Variants in CNTNAP4 observed in about 807,000 individuals in gnomAD.
CNTNAP4 encodes the protein contactin associated protein family member 4, also known as contactin-associated protein-like 4.
A neutral mutation model predicts 148.4 loss-of-function variants in CNTNAP4; 98 were observed. The ratio of observed to expected loss-of-function variants is 0.66; its 90% CI spans 0.56 to 0.78. The LOEUF is 0.78. Ranked by LOEUF, CNTNAP4 falls within the 30% of genes least tolerant of loss-of-function variation. The pLI is 0.00. For missense variants in CNTNAP4, 1,935 were observed against 1,565.6 expected (o/e 1.24, Z -3.98); for synonymous variants, 730 against 565.1 (o/e 1.29, Z -4.14).
chr16:76,531,109 A>G (rs1439259936), intron 17 of CNTNAP4, among the ~76,000 whole-genome samples: 1 of 152,176 alleles, frequency 6.6e-6, no homozygotes, highest in African/African-American at 2.4e-5. Context: ...GAGAAGGTTG[A>G]GGATCTTGAT....
chr16:76,340,421 C>A (rs72626198), intron 2 of CNTNAP4, among the ~76,000 whole-genome samples: 28,369 of 152,058 alleles, frequency 0.19, 3,486 homozygotes, highest in East Asian at 0.48. Context: ...CTTCAATTTA[C>A]ATTTTTCAAA....
At chr16:76,482,661 C>G (rs2081878595) in intron 12 of CNTNAP4, among the ~76,000 whole-genome samples, 1 of 152,158 alleles carries the variant, frequency 6.6e-6, no homozygotes, top group Non-Finnish European at 1.5e-5. Context: ...CTATCTGTCT[C>G]ACAACCATTG....
chr16:76,374,742 C>CT (rs753657290), intron 3 of CNTNAP4, among the ~76,000 whole-genome samples: 2 of 131,616 alleles, frequency 1.5e-5, no homozygotes, highest in Non-Finnish European at 3.4e-5. Context: ...GACTATGACA[C>CT]TATTATTATT....
chr16:76,311,059 A>C (rs1194098036), intron 1 of CNTNAP4, among the ~76,000 whole-genome samples: 1 of 152,138 alleles, frequency 6.6e-6, no homozygotes, highest in East Asian at 1.9e-4. Flanking sequence ...AATGCATGTA[A>C]AGCACTGAGA....
Position 76,553,389 on chromosome 16 carries a change from G to A in CNTNAP4, c.3549G>A (p.Leu1183=), listed in dbSNP as rs1241055866. 1 of 1,612,656 alleles carries A rather than the reference G, an allele frequency of 6.2e-7. No homozygotes were observed. The highest frequency in any genetic ancestry group is 1.7e-5 in the Admixed American group (1 of 59,894). Residue 1183 remains leucine (L), a synonymous_variant, in exon 22 of 24, where the codon CTG becomes CTA. Transcript: ENST00000611870. ...LSHVAPLKAA[L]HPSHPDPVTV... ...ACGTGGCCCCTCTGAAGGCAGCTCTGCACCCCAGCCACCCAGACCCTGTCA... is the reference window on the plus strand; with the variant it reads ...ACGTGGCCCCTCTGAAGGCAGCTCTACACCCCAGCCACCCAGACCCTGTCA...
chr16:76,286,174 AGTGTGTGTGTGTGT>A lies in CNTNAP4; in HGVS notation c.85+8459_85+8472del, dbSNP rs57003243. ...AATGAGTTGCTGAGATAGAATTATCAGTGTGTGTGTGTGTGTGTGTGTGTGTGTGTGTGTGTGTG... is the reference window on the plus strand; with the variant it reads ...AATGAGTTGCTGAGATAGAATTATCAGTGTGTGTGTGTGTGTGTGTGTGTG... On this transcript the variant is annotated intron_variant, in intron 1 of 23. Coordinates refer to ENST00000611870, the MANE Select transcript of CNTNAP4 (RefSeq NM_033401.5). Among the ~76,000 whole-genome samples, 188 of 134,986 alleles carry A rather than the reference AGTGTGTGTGTGTGT, an allele frequency of 1.4e-3. 1 individual carries two copies. The highest frequency in any genetic ancestry group is 3.3e-3 in the African/African-American group (119 of 36,406). 88.6% of individuals were successfully genotyped at this position (134,986 alleles called of 152,430 possible). A position where few individuals can be genotyped will look rare whatever the true frequency, so the allele number is the denominator to read the frequency against.
chr16:76,470,673 A>T lies in CNTNAP4; in HGVS notation c.1655+3150A>T, dbSNP rs11641867. 4.3e-4 allele frequency among the ~76,000 whole-genome samples: 65 copies of T among 150,892 alleles called. 1 individual carries two copies. The highest frequency in any genetic ancestry group is 1.0e-4 in the Non-Finnish European group (7 of 67,888). On this transcript the variant is annotated intron_variant, in intron 10 of 23. Coordinates refer to ENST00000611870, the MANE Select transcript of CNTNAP4 (RefSeq NM_033401.5). ...CTCGAAAAACAAAAACAAACAAACAAAAAACCAGGAAGTAACATTAAAAAC... is the reference window on the plus strand; with the variant it reads ...CTCGAAAAACAAAAACAAACAAACATAAAACCAGGAAGTAACATTAAAAAC...
intron 15 of CNTNAP4, 119 bp downstream of exon 15, chr16:76,498,813 T>A (rs918785413): frequency 1.0e-5 from 11 of 1,056,920 alleles, no homozygotes; most frequent in Non-Finnish European, 1.4e-5. Flanking sequence ...TTGTGAACAT[T>A]TTTTTTGTTT....
intron 3 of CNTNAP4, among the ~76,000 whole-genome samples, chr16:76,373,042 C>T (rs969440452): frequency 3.9e-5 from 6 of 152,126 alleles, no homozygotes; most frequent in African/African-American, 1.2e-4. Context: ...TGCTGGTTTA[C>T]AGCACAGGGG....
intron 8 of CNTNAP4, among the ~76,000 whole-genome samples, chr16:76,454,432 A>G (rs138516801): frequency 1.2e-3 from 184 of 152,310 alleles, no homozygotes; most frequent in African/African-American, 4.3e-3. Context: ...TTCTAAATGA[A>G]TGTTTAAATT....
chr16:76,465,064 A>T (rs1045613747), intron 9 of CNTNAP4, among the ~76,000 whole-genome samples: 1 of 152,178 alleles, frequency 6.6e-6, no homozygotes, highest in African/African-American at 2.4e-5. Context: ...AACATTCTCC[A>T]TCCAATGAAC....
At chr16:76,462,239 AT>A in intron 9 of CNTNAP4, 134 bp downstream of exon 9, 2 of 778,458 alleles carry the variant, frequency 2.6e-6, no homozygotes, top group Non-Finnish European at 3.9e-6. Context: ...GATCACGGAC[AT>A]TTTGGGTGGA....
chr16:76,352,133 T>C (rs938476213), intron 2 of CNTNAP4, among the ~76,000 whole-genome samples: 2 of 152,142 alleles, frequency 1.3e-5, no homozygotes, highest in African/African-American at 2.4e-5. Flanking sequence ...TTCCTAACTT[T>C]TTCTTGTAAA....
chr16:76,413,755 A>C (rs2078882926), intron 3 of CNTNAP4, among the ~76,000 whole-genome samples: 1 of 151,276 alleles, frequency 6.6e-6, no homozygotes, highest in Non-Finnish European at 1.5e-5. Flanking sequence ...TCTACTATAA[A>C]CCTTTAAAAT....
chr16:76,407,991 A>C (rs2078656425), intron 3 of CNTNAP4, among the ~76,000 whole-genome samples: 1 of 152,134 alleles, frequency 6.6e-6, no homozygotes, highest in African/African-American at 2.4e-5. Context: ...AGCAGCGATC[A>C]ATATCGAGGC....
At chr16:76,279,802 G>A (rs1427781847) in intron 1 of CNTNAP4, among the ~76,000 whole-genome samples, 1 of 152,138 alleles carries the variant, frequency 6.6e-6, no homozygotes, top group Non-Finnish European at 1.5e-5. Context: ...AGCAGTATGT[G>A]TAAAAGAAAA....
At chr16:76,285,946 A>G (rs972439707) in intron 1 of CNTNAP4, among the ~76,000 whole-genome samples, 1 of 151,878 alleles carries the variant, frequency 6.6e-6, no homozygotes, top group Non-Finnish European at 1.5e-5. Flanking sequence ...ACCAGGCCCA[A>G]TAGAGGGATT....
intron 2 of CNTNAP4, among the ~76,000 whole-genome samples, chr16:76,341,921 C>T (rs747582911): frequency 2.0e-5 from 3 of 152,158 alleles, no homozygotes; most frequent in Admixed American, 6.5e-5. Context: ...CATGTCCTAT[C>T]GAGTCACAGA....
chr16:76,551,960 T>C (rs2084968238), intron 21 of CNTNAP4, among the ~76,000 whole-genome samples: 1 of 152,308 alleles, frequency 6.6e-6, no homozygotes, highest in African/African-American at 2.4e-5. Context: ...CTCACACTGC[T>C]ATAAAGAGCT....
Sources: gnomAD v4.1 joint callset for allele counts (sites outside exome capture counted in the v4.1 genomes callset) on GRCh38, gnomAD v4.1.1 for gene constraint, MANE v1.5 for transcripts, NCBI Gene and HGNC (gene_info 2026-07-23, HGNC 2026-07-21) for gene names.